DNAI2: variants seen among roughly 807,000 people sequenced by gnomAD.
DNAI2 encodes dynein axonemal intermediate chain 2.
In DNAI2, 63 loss-of-function variants were observed where a neutral mutation model predicts 74.7. The observed-to-expected ratio is 0.84, with a 90% CI of 0.69 to 1.04. The LOEUF (loss-of-function observed/expected upper bound fraction) is 1.04. Ranked by LOEUF, DNAI2 falls within the 50% of genes least tolerant of loss-of-function variation. The probability of loss-of-function intolerance (pLI) is 0.00; values close to 1 mark genes in which losing one functional copy is unlikely to be tolerated. For synonymous variants in DNAI2, 289 were observed against 314.9 expected (o/e 0.92, Z 0.87); for missense variants, 688 against 803.2 (o/e 0.86, Z 1.73).
At chr17:74,280,451 C>T (rs780897001) in intron 1 of DNAI2, among the ~76,000 whole-genome samples, 2 of 152,194 alleles carry the variant, frequency 1.3e-5, no homozygotes, top group African/African-American at 2.4e-5. Flanking sequence ...CAGTAGCACG[C>T]GTCAGAGGCT....
intron 6 of DNAI2, among the ~76,000 whole-genome samples, chr17:74,297,095 T>C (rs2052489294): frequency 6.6e-6 from 1 of 152,156 alleles, no homozygotes; most frequent in South Asian, 2.1e-4. Context: ...TTTGTTTGTT[T>C]GTTTCTTTGA....
At chr17:74,281,736 T>C in intron 1 of DNAI2, 71 bp from the exon 2 acceptor site, 1 of 1,506,448 alleles carries the variant, frequency 6.6e-7, no homozygotes, top group Non-Finnish European at 9.2e-7. Flanking sequence ...GGAGCTGTCC[T>C]GGCAGGACCT....
rs528315804 is a variant in DNAI2, at chr17:74,276,072, TCCCAGTCTCCCACGCTGACACTCCTCCTC to T, written c.-12+1732_-12+1760del. Among the ~76,000 whole-genome samples, 13 of 152,192 alleles carry T rather than the reference TCCCAGTCTCCCACGCTGACACTCCTCCTC, an allele frequency of 8.5e-5. No individual in the cohort carries two copies. In the East Asian group the frequency reaches 2.3e-3, roughly 27 times the overall value. On this transcript the variant is annotated intron_variant, in intron 1 of 13. Transcript: ENST00000311014. ...GGGCTGACCTTCCAGCTTGCCTCCT[TCCCAGTCTCCCACGCTGACACTCCTCCTC>T]CCCATCACTCCCTTGGCCTTCCTCC...
intron 10 of DNAI2, 156 bp from the exon 11 acceptor site, chr17:74,309,860 AC>A (rs1296997792): frequency 1.3e-5 from 12 of 938,070 alleles, no homozygotes; most frequent in Non-Finnish European, 2.0e-5. Flanking sequence ...AGCCTTGACA[AC>A]CAGTCTCCGA....
chr17:74,297,882 T>C (rs1464476282), intron 6 of DNAI2, among the ~76,000 whole-genome samples: 4 of 152,206 alleles, frequency 2.6e-5, no homozygotes, highest in Non-Finnish European at 5.9e-5. Flanking sequence ...CTTATACTTT[T>C]GCTGCTTCTT....
chr17:74,275,877 A>G (rs540993824), intron 1 of DNAI2, among the ~76,000 whole-genome samples: 40 of 152,228 alleles, frequency 2.6e-4, no homozygotes, highest in South Asian at 4.2e-4. Context: ...GTGACAGAGC[A>G]ACACTGTCCC....
chr17:74,284,509 T>A (rs1315796712), intron 2 of DNAI2, among the ~76,000 whole-genome samples: 1 of 151,998 alleles, frequency 6.6e-6, no homozygotes, highest in African/African-American at 2.4e-5. Context: ...GCCTCCCAGG[T>A]TCAAGTGATT....
chr17:74,291,247 G>T, intron 6 of DNAI2, 114 bp downstream of exon 6: 1 of 782,074 alleles, frequency 1.3e-6, no homozygotes, highest in East Asian at 2.8e-5. Context: ...TGCAACCTCC[G>T]CCTCCTGGGT....
intron 8 of DNAI2, among the ~76,000 whole-genome samples, chr17:74,302,375 C>G (rs1445400143): frequency 6.6e-6 from 1 of 152,172 alleles, no homozygotes. Flanking sequence ...CGAGGCCAGC[C>G]TGACCAATAT....
At chr17:74,279,530 A>C (rs745774035) in intron 1 of DNAI2, among the ~76,000 whole-genome samples, 5 of 152,060 alleles carry the variant, frequency 3.3e-5, no homozygotes, top group Non-Finnish European at 5.9e-5. Context: ...AAACCTGCTC[A>C]CGTAATCCTG....
At chr17:74,301,982 G>A (rs1275285268) in intron 8 of DNAI2, among the ~76,000 whole-genome samples, 4 of 31,006 alleles carry the variant, frequency 1.3e-4, no homozygotes, top group African/African-American at 3.1e-4. Context: ...AAGGAAGGAA[G>A]GAAGGAAGGA....
chr17:74,287,231 C>T (rs551651340), intron 4 of DNAI2, 133 bp downstream of exon 4: 9 of 1,420,300 alleles, frequency 6.3e-6, no homozygotes, highest in South Asian at 2.5e-5. Flanking sequence ...TGATAAGTGA[C>T]GTGGTGATAA....
intron 2 of DNAI2, 99 bp from the exon 3 acceptor site, chr17:74,284,941 C>G (rs992132078): frequency 3.7e-5 from 56 of 1,519,472 alleles, no homozygotes; most frequent in Non-Finnish European, 5.0e-5. Flanking sequence ...GCCTCAGCAT[C>G]CAGCCCTGGG....
chr17:74,301,092 T>C lies in DNAI2; in HGVS notation c.911T>C (p.Val304Ala). The change falls in exon 8 of 14, where the codon GTG becomes GCG. Residue 304 changes from valine to alanine, a missense_variant. Physicochemically the swap from Val to Ala is moderately conservative, Grantham distance 64. Coordinates refer to ENST00000311014, the MANE Select transcript of DNAI2 (RefSeq NM_023036.6). ...IRKMSEPTEVVILDITKKEQL... is the reference protein window; with the variant it reads ...IRKMSEPTEVAILDITKKEQL... Reference sequence around the variant, plus strand: ...AAGATGAGCGAGCCCACTGAAGTTGTGATCTTGGACATCACCAAGAAGGAA... The same window carrying C: ...AAGATGAGCGAGCCCACTGAAGTTGCGATCTTGGACATCACCAAGAAGGAA... 6.2e-7 allele frequency: 1 copy of C among 1,614,100 alleles called. No individual in the cohort carries two copies. Among genetic ancestry groups the C allele is most frequent in the Non-Finnish European group, 8.5e-7 (1 of 1,180,002 alleles).
At chr17:74,276,823 G>A (rs1252046500) in intron 1 of DNAI2, among the ~76,000 whole-genome samples, 2 of 152,170 alleles carry the variant, frequency 1.3e-5, no homozygotes, top group African/African-American at 4.8e-5. Flanking sequence ...GAGCCAGCTG[G>A]CTTGCAGCAA....
chr17:74,309,154 A>C (rs1186739325), intron 9 of DNAI2, 99 bp from the exon 10 acceptor site: 2 of 1,376,964 alleles, frequency 1.5e-6, no homozygotes, highest in East Asian at 4.8e-5. Flanking sequence ...CCTACCTAGC[A>C]AGACTCTGAG....
intron 7 of DNAI2, 32 bp from the exon 8 acceptor site, chr17:74,301,014 C>G: frequency 6.2e-7 from 1 of 1,612,722 alleles, no homozygotes; most frequent in Non-Finnish European, 8.5e-7. Flanking sequence ...TACAGGGCCT[C>G]GAAGTCTCAC....
intron 6 of DNAI2, among the ~76,000 whole-genome samples, chr17:74,299,358 T>G (rs2052624540): frequency 6.6e-6 from 1 of 152,070 alleles, no homozygotes; most frequent in Non-Finnish European, 1.5e-5. Flanking sequence ...ATCCTGAGGC[T>G]CATCTTCCAT....
chr17:74,289,768 AGGGCTGAGGGCT>A (rs748542322), intron 5 of DNAI2, 32 bp downstream of exon 5: 6 of 1,612,908 alleles, frequency 3.7e-6, no homozygotes, highest in Non-Finnish European at 5.1e-6. Context: ...GTGGCCTGGG[AGGGCTGAGGGCT>A]GGGACCAGCA....
Sources: allele counts gnomAD v4.1 joint callset (sites outside exome capture counted in the v4.1 genomes callset), GRCh38; gene constraint gnomAD v4.1.1; transcripts MANE v1.5; gene names NCBI Gene and HGNC (gene_info 2026-07-23, HGNC 2026-07-21).